The following TYRP1 variants were observed in gnomAD, a reference collection of about 807,000 sequenced individuals.
TYRP1 encodes the protein 5,6-dihydroxyindole-2-carboxylic acid oxidase.
In TYRP1, 49 loss-of-function variants were observed where a neutral mutation model predicts 42.8. That is an observed-to-expected ratio of 1.14 (90% CI 0.91 to 1.45). The LOEUF (loss-of-function observed/expected upper bound fraction) is 1.45. Among genes scored for constraint, TYRP1 ranks in the 40% most tolerant of loss-of-function variants. The pLI is 0.00. For missense variants in TYRP1, 848 were observed against 662.0 expected (o/e 1.28, Z -3.08); for synonymous variants, 279 against 235.4 (o/e 1.19, Z -1.69).
At chr9:12,702,498 C>CA (rs2118249517) in intron 5 of TYRP1, 60 bp downstream of exon 5, 2 of 1,544,432 alleles carry the variant, frequency 1.3e-6, no homozygotes, top group Middle Eastern at 3.4e-4. Context: ...CTGAATTATT[C>CA]AAAAGCAAGT....
Position 12,708,117 on chromosome 9 carries a change from G to C in TYRP1, c.1382G>C (p.Gly461Ala), listed in dbSNP as rs765272929. The change falls in exon 7 of 8, where the codon GGA becomes GCA. Residue 461 changes from glycine to alanine, a missense_variant. Transcript: ENST00000388918. ...TTTGTTACTGCTCCAGACAACCTGG[G>C]ATACACTTATGAAATTCAATGGCCA... ...EMFVTAPDNL[G>A]YTYEIQWPSR... 6.2e-7 allele frequency: 1 copy of C among 1,612,698 alleles called. No homozygotes were observed. Among genetic ancestry groups the C allele is most frequent in the African/African-American group, 1.3e-5 (1 of 74,920 alleles).
chr9:12,703,285 C>G (rs1047932216), intron 5 of TYRP1, among the ~76,000 whole-genome samples: 1 of 151,932 alleles, frequency 6.6e-6, no homozygotes, highest in Non-Finnish European at 1.5e-5. Flanking sequence ...GCCCTATGAT[C>G]AGAGATACTT....
In TYRP1 at chr9:12,708,101, G is replaced by C; in HGVS notation, c.1366G>C (p.Ala456Pro). 2 of 1,612,800 alleles carry C rather than the reference G, an allele frequency of 1.2e-6. No homozygotes were observed. The highest frequency in any genetic ancestry group is 1.7e-6 in the Non-Finnish European group (2 of 1,179,284). The change falls in exon 7 of 8, where the codon GCT (alanine) becomes CCT (proline). Residue 456 changes from alanine to proline, a missense_variant. Transcript: ENST00000388918. ...PVTNTEMFVT[A>P]PDNLGYTYEI... ...CACCAACACAGAAATGTTTGTTACT[G>C]CTCCAGACAACCTGGGATACACTTA...
At chr9:12,695,991 T>A (rs1818074268) in intron 3 of TYRP1, among the ~76,000 whole-genome samples, 154 bp downstream of exon 3, 1 of 152,236 alleles carries the variant, frequency 6.6e-6, no homozygotes, top group Non-Finnish European at 1.5e-5. Context: ...GTTTTCTCCT[T>A]ATTTTGGTTA....
rs16929374 is a variant in TYRP1, at chr9:12,702,334, G to A, written c.977G>A (p.Arg326His). The change falls in exon 5 of 8, where the codon CGT becomes CAT. Residue 326 changes from arginine (R) to histidine (H), a missense_variant. Coordinates refer to ENST00000388918, the MANE Select transcript of TYRP1 (RefSeq NM_000550.3). Reference protein sequence around the residue: ...AGNVARPMVQRLPEPQDVAQC... With the variant: ...AGNVARPMVQHLPEPQDVAQC... Reference sequence around the variant, plus strand: ...AATGTGGCCAGACCAATGGTGCAACGTCTTCCTGAACCACAGGATGTCGCT... The same window carrying A: ...AATGTGGCCAGACCAATGGTGCAACATCTTCCTGAACCACAGGATGTCGCT... 6.7e-4 allele frequency: 1,079 copies of A among 1,613,148 alleles called. 4 individuals carry two copies. The African/African-American group carries it at 0.013, about 19-fold the overall frequency.
chr9:12,695,744 G>C lies in TYRP1; in HGVS notation c.615G>C (p.Gln205His). Residue 205 changes from glutamine (Q) to histidine (H), a missense_variant, in exon 3 of 8, where the codon CAG becomes CAC. Coordinates refer to ENST00000388918, the MANE Select transcript of TYRP1 (RefSeq NM_000550.3). ...SVKKTFLGVG[Q>H]ESFGEVDFSH... ...AAAAGACTTTCCTTGGGGTAGGACAGGAAAGCTTTGGTGAAGTGGATTTCT... is the reference window on the plus strand; with the variant it reads ...AAAAGACTTTCCTTGGGGTAGGACACGAAAGCTTTGGTGAAGTGGATTTCT... The C allele has an allele frequency of 6.2e-7, 1 of 1,614,146 alleles. No homozygotes were observed. Among genetic ancestry groups the C allele is most frequent in the Non-Finnish European group, 8.5e-7 (1 of 1,180,016 alleles).
chr9:12,693,992 G>A lies in TYRP1; in HGVS notation c.-5G>A. ...TCTTTGTTTTGCACTCTTATTTCAA[G>A]CAGAATGAGTGCTCCTAAACTCCTC... is the stretch of plus-strand genomic sequence containing the variant. On this transcript the variant is annotated 5_prime_UTR_variant, in exon 2 of 8. Coordinates refer to ENST00000388918, the MANE Select transcript of TYRP1 (RefSeq NM_000550.3). The A allele has an allele frequency of 2.5e-6, 4 of 1,613,718 alleles. No individual in the cohort carries two copies. The highest frequency in any genetic ancestry group is 3.4e-6 in the Non-Finnish European group (4 of 1,179,982).
chr9:12,707,565 G>A (rs1818278577), intron 6 of TYRP1: 1 of 172,756 alleles, frequency 5.8e-6, no homozygotes, highest in Admixed American at 6.0e-5. Context: ...GGAGTAGAGT[G>A]GGGTCTGGGG....
At chr9:12,708,805 T>G (rs1397336274) in intron 7 of TYRP1, among the ~76,000 whole-genome samples, 172 bp from the exon 8 acceptor site, 1 of 151,962 alleles carries the variant, frequency 6.6e-6, no homozygotes, top group Non-Finnish European at 1.5e-5. Context: ...ACTATCCCAA[T>G]AGGGTCCACT....
chr9:12,695,397 A>T, intron 2 of TYRP1, 118 bp from the exon 3 acceptor site: 3 of 917,718 alleles, frequency 3.3e-6, no homozygotes, highest in Non-Finnish European at 5.1e-6. Context: ...AAAATAATTT[A>T]AAACACATTT....
intron 6 of TYRP1, 25 bp downstream of exon 6, chr9:12,704,730 G>T: frequency 1.2e-6 from 2 of 1,607,412 alleles, no homozygotes; most frequent in Non-Finnish European, 8.5e-7. Flanking sequence ...TATGCCTTTT[G>T]CATGCTCAGC....
In TYRP1 at chr9:12,708,070, C is replaced by G. The variant is rs983199442; in HGVS notation, c.1335C>G (p.Pro445=). The part of the protein sequence containing the change: ...NRQYNMVPFW[P]PVTNTEMFVT... The stretch of plus-strand genomic sequence containing the variant: ...AATACAACATGGTGCCATTCTGGCC[C>G]CCAGTCACCAACACAGAAATGTTTG... The change falls in exon 7 of 8, where the codon CCC becomes CCG. Residue 445 remains proline, a synonymous_variant. Coordinates refer to ENST00000388918, the MANE Select transcript of TYRP1 (RefSeq NM_000550.3). 1.2e-6 allele frequency: 2 copies of G among 1,612,796 alleles called. No homozygotes were observed. Among genetic ancestry groups the G allele is most frequent in the East Asian group, 2.2e-5 (1 of 44,796 alleles).
chr9:12,709,086 T>A lies in TYRP1; in HGVS notation c.1518T>A (p.Ser506Arg). Residue 506 changes from serine (S) to arginine (R), a missense_variant, in exon 8 of 8, where the codon AGT becomes AGA. By Grantham distance (110) the Ser-to-Arg change is moderately radical (BLOSUM62 -1). Coordinates refer to ENST00000388918, the MANE Select transcript of TYRP1 (RefSeq NM_000550.3). The part of the protein sequence containing the change: ...TASYLIRARR[S>R]MDEANQPLLT... Reference sequence around the variant, plus strand: ...CTTATCTGATTCGTGCCAGACGCAGTATGGATGAAGCTAACCAGCCTCTCC... The same window carrying A: ...CTTATCTGATTCGTGCCAGACGCAGAATGGATGAAGCTAACCAGCCTCTCC... 1 of 1,612,846 alleles carries A rather than the reference T, an allele frequency of 6.2e-7. No homozygotes were observed. The highest frequency in any genetic ancestry group is 1.1e-5 in the South Asian group (1 of 91,064).
chr9:12,694,083 G>A lies in TYRP1; in HGVS notation c.87G>A (p.Gln29=). 6.2e-7 allele frequency: 1 copy of A among 1,614,048 alleles called. No homozygotes were observed. Among genetic ancestry groups the A allele is most frequent in the Non-Finnish European group, 8.5e-7 (1 of 1,180,036 alleles). Reference sequence around the variant, plus strand: ...AGGCCCGGGCTCAATTCCCAAGACAGTGTGCCACTGTTGAGGCTTTGAGAA... The same window carrying A: ...AGGCCCGGGCTCAATTCCCAAGACAATGTGCCACTGTTGAGGCTTTGAGAA... ...FQQARAQFPR[Q]CATVEALRSG... is the part of the protein sequence containing the mutation. The change falls in exon 2 of 8, where the codon CAG becomes CAA. Residue 29 remains glutamine (Q), a synonymous_variant. Coordinates refer to ENST00000388918, the MANE Select transcript of TYRP1 (RefSeq NM_000550.3).
At chr9:12,707,845 G>C (rs1446956631) in intron 6 of TYRP1, 152 bp from the exon 7 acceptor site, 3 of 682,198 alleles carry the variant, frequency 4.4e-6, no homozygotes, top group African/African-American at 3.6e-5. Flanking sequence ...TTCTCATCCT[G>C]CTGTAGTGAA....
chr9:12,694,798 C>G (rs1818050136), intron 2 of TYRP1, among the ~76,000 whole-genome samples: 1 of 152,132 alleles, frequency 6.6e-6, no homozygotes, highest in African/African-American at 2.4e-5. Context: ...TGCAACTACC[C>G]CTGCTGACCC....
intron 3 of TYRP1, among the ~76,000 whole-genome samples, chr9:12,696,908 T>TATTA (rs1316539658): frequency 6.6e-6 from 1 of 152,200 alleles, no homozygotes; most frequent in Non-Finnish European, 1.5e-5. Flanking sequence ...TAGATTCATT[T>TATTA]ATTAATTTGC....
Position 12,694,334 on chromosome 9 carries a change from G to A in TYRP1, c.338G>A (p.Cys113Tyr), listed in dbSNP as rs1451470300. The A allele has an allele frequency of 2.5e-6, 4 of 1,613,962 alleles. No homozygotes were observed. The highest frequency in any genetic ancestry group is 2.7e-5 in the African/African-American group (2 of 74,946). ...TTCTCAGGACACAACTGTGGGACGT[G>A]CCGTCCTGGCTGGAGAGGAGCTGCC... ...GNFSGHNCGT[C>Y]RPGWRGAACD... The change falls in exon 2 of 8, where the codon TGC becomes TAC. Residue 113 changes from cysteine to tyrosine, a missense_variant. By Grantham distance (194) the Cys-to-Tyr change is radical (BLOSUM62 -2). Coordinates refer to ENST00000388918, the MANE Select transcript of TYRP1 (RefSeq NM_000550.3).
At position 12,695,674 on chromosome 9, in the gene TYRP1, T is replaced by C; in HGVS notation, c.545T>C (p.Ile182Thr). Residue 182 changes from isoleucine (I) to threonine (T), a missense_variant, in exon 3 of 8, where the codon ATT (isoleucine) becomes ACT (threonine). Coordinates refer to ENST00000388918, the MANE Select transcript of TYRP1 (RefSeq NM_000550.3). ...GGCAACACGCCACAATTTGAGAACA[T>C]TTCCATTTATAACTACTTTGTTTGG... ...PDGNTPQFEN[I>T]SIYNYFVWTH... 1 of 1,614,156 alleles carries C rather than the reference T, an allele frequency of 6.2e-7. No homozygotes were observed. Among genetic ancestry groups the C allele is most frequent in the Non-Finnish European group, 8.5e-7 (1 of 1,180,028 alleles).
Sources: allele counts gnomAD v4.1 joint callset (sites outside exome capture counted in the v4.1 genomes callset), GRCh38; gene constraint gnomAD v4.1.1; transcripts MANE v1.5; gene names NCBI Gene and HGNC (gene_info 2026-07-23, HGNC 2026-07-21).